Variants in CTTN observed in about 807,000 individuals in gnomAD.
CTTN encodes the protein src substrate cortactin.
CTTN carries 28 observed loss-of-function variants against 84.0 expected under a neutral mutation model. The ratio of observed to expected loss-of-function variants is 0.33; its 90% CI spans 0.25 to 0.46. The LOEUF (loss-of-function observed/expected upper bound fraction) is 0.46. Among genes scored for constraint, CTTN ranks in the 20% least tolerant of loss-of-function variants. The probability of loss-of-function intolerance (pLI) is 1.00; values close to 1 mark genes in which losing one functional copy is unlikely to be tolerated. For synonymous variants in CTTN, 301 were observed against 288.8 expected, an observed-to-expected ratio of 1.04 and a Z score of -0.43; for missense variants, 641 against 723.8, an observed-to-expected ratio of 0.89 and a Z score of 1.31.
At position 70,402,589 on chromosome 11, in the gene CTTN, T is replaced by C. The variant is rs538557148; in HGVS notation, c.-97-2676T>C. Among the ~76,000 whole-genome samples, 29 of 152,354 alleles carry C rather than the reference T, an allele frequency of 1.9e-4. No individual in the cohort carries two copies. In the East Asian group the frequency reaches 5.6e-3, roughly 29 times the overall value. On this transcript the variant is annotated intron_variant, in intron 1 of 17. Coordinates refer to ENST00000301843, the MANE Select transcript of CTTN (RefSeq NM_005231.4). ...TTCCTAGAAATTGAATCGTATAATA[T>C]GTGGTCTTTTGTGCGTGGTTTTCCT...
At chr11:70,402,082 G>A (rs1591427688) in intron 1 of CTTN, among the ~76,000 whole-genome samples, 1 of 152,028 alleles carries the variant, frequency 6.6e-6, no homozygotes, top group Middle Eastern at 3.4e-3. Flanking sequence ...GAACCTGGGA[G>A]ACAGAGGTTG....
intron 8 of CTTN, among the ~76,000 whole-genome samples, chr11:70,418,335 T>C (rs1011702775): frequency 2.6e-5 from 4 of 152,236 alleles, no homozygotes; most frequent in Admixed American, 2.0e-4. Flanking sequence ...CTGGGAACAG[T>C]CCATTCCTCC....
chr11:70,425,784 G>A (rs1372307155), intron 13 of CTTN, among the ~76,000 whole-genome samples: 5 of 152,296 alleles, frequency 3.3e-5, no homozygotes, highest in East Asian at 1.9e-4. Context: ...TCATGACGTC[G>A]ATGTGCAGGC....
rs377587764 is a variant in CTTN at position 70,425,316 on chromosome 11, T to A, written c.958-16T>A. ...GAGAAAAGTGCTCTCCTGACGCCCA[T>A]GTCCTGTCTCTGCAGAATGCGTCAA... On this transcript the variant is annotated splice_polypyrimidine_tract_variant and intron_variant, in intron 12 of 17. Coordinates refer to ENST00000301843, the MANE Select transcript of CTTN (RefSeq NM_005231.4). 1.0e-5 allele frequency: 16 copies of A among 1,607,724 alleles called. No homozygotes were observed. In the South Asian group the frequency reaches 1.1e-4, roughly 11 times the overall value.
chr11:70,433,498 C>T (rs931029428), intron 16 of CTTN, 149 bp from the exon 17 acceptor site: 6 of 743,272 alleles, frequency 8.1e-6, no homozygotes, highest in Admixed American at 6.3e-5. Flanking sequence ...GTGCTGGGGA[C>T]GGGTGGGCAG....
At chr11:70,407,415 T>C (rs375585896) in intron 3 of CTTN, 31 bp downstream of exon 3, 101 of 1,611,922 alleles carry the variant, frequency 6.3e-5, no homozygotes, top group African/African-American at 8.0e-5. Context: ...CTTTCCTCTT[T>C]CATGAAGTGG....
intron 1 of CTTN, among the ~76,000 whole-genome samples, chr11:70,398,861 A>G (rs1480341627): frequency 6.6e-6 from 1 of 150,904 alleles, no homozygotes; most frequent in Non-Finnish European, 1.5e-5. Flanking sequence ...GGCAGGGGGC[A>G]AGGGGGCACG....
chr11:70,430,396 CA>C (rs1270391648), intron 14 of CTTN, among the ~76,000 whole-genome samples: 1 of 152,244 alleles, frequency 6.6e-6, no homozygotes, highest in Non-Finnish European at 1.5e-5. Context: ...CAGAGGTCCT[CA>C]AAGATGTCAG....
intron 13 of CTTN, among the ~76,000 whole-genome samples, chr11:70,427,787 A>G (rs2058315665): frequency 1.3e-5 from 2 of 152,208 alleles, no homozygotes; most frequent in African/African-American, 4.8e-5. Context: ...AAAAAATCAC[A>G]TTTGCTGTCA....
intron 12 of CTTN, among the ~76,000 whole-genome samples, 194 bp downstream of exon 12, chr11:70,423,189 G>C (rs1236176216): frequency 6.6e-6 from 1 of 152,148 alleles, no homozygotes; most frequent in Non-Finnish European, 1.5e-5. Flanking sequence ...ATAGGCGCTG[G>C]CACCGGCCCA....
In CTTN at chr11:70,407,515, C is replaced by G; in HGVS notation, c.88-3C>G. On this transcript the variant is annotated splice_region_variant and splice_polypyrimidine_tract_variant and intron_variant, in intron 3 of 17. Coordinates refer to ENST00000301843, the MANE Select transcript of CTTN (RefSeq NM_005231.4). ...GAGATTTACTGGTCGCTTTTCTTTT[C>G]AGAATGATGTGAGTGAGAAGGAGCA... 3 of 1,579,368 alleles carry G rather than the reference C, an allele frequency of 1.9e-6. No individual in the cohort carries two copies. Among genetic ancestry groups the G allele is most frequent in the Non-Finnish European group, 1.7e-6 (2 of 1,157,998 alleles).
chr11:70,417,726 C>G (rs1379704174), intron 8 of CTTN, among the ~76,000 whole-genome samples: 2 of 152,090 alleles, frequency 1.3e-5, no homozygotes, highest in Admixed American at 1.3e-4. Flanking sequence ...GAATTCCTGA[C>G]CTCAGGTGAT....
intron 13 of CTTN, among the ~76,000 whole-genome samples, chr11:70,425,711 G>T (rs886591060): frequency 3.3e-5 from 5 of 152,190 alleles, no homozygotes; most frequent in Non-Finnish European, 7.3e-5. Flanking sequence ...CAGCTTCTGG[G>T]AGCAGCTGGG....
chr11:70,418,633 G>A (rs1271331181), intron 8 of CTTN, among the ~76,000 whole-genome samples: 1 of 152,184 alleles, frequency 6.6e-6, no homozygotes, highest in Non-Finnish European at 1.5e-5. Context: ...ATCCCCCTGC[G>A]TGCTTCAGTT....
chr11:70,416,527 G>T (rs1395688688), intron 7 of CTTN, among the ~76,000 whole-genome samples: 1 of 152,164 alleles, frequency 6.6e-6, no homozygotes, highest in Admixed American at 6.5e-5. Context: ...CGCCTCCTGG[G>T]TTCAAACGAT....
At chr11:70,412,658 T>C (rs1470141594) in intron 5 of CTTN, among the ~76,000 whole-genome samples, 1 of 152,202 alleles carries the variant, frequency 6.6e-6, no homozygotes, top group Non-Finnish European at 1.5e-5. Context: ...CTGAGCACAC[T>C]GCACCTTTCC....
chr11:70,423,994 A>G (rs1162099394), intron 12 of CTTN, among the ~76,000 whole-genome samples: 6 of 152,092 alleles, frequency 3.9e-5, no homozygotes, highest in Non-Finnish European at 8.8e-5. Flanking sequence ...TTTGGCGCCA[A>G]GGGACGCAGG....
intron 15 of CTTN, 148 bp from the exon 16 acceptor site, chr11:70,432,953 G>T: frequency 2.5e-6 from 2 of 795,130 alleles, no homozygotes; most frequent in Non-Finnish European, 4.0e-6. Flanking sequence ...CGGCAGGCCT[G>T]GCCTTCCTAT....
At position 70,425,430 on chromosome 11, in the gene CTTN, G is replaced by A. The variant is rs375715354; in HGVS notation, c.1027+29G>A. 5.8e-5 allele frequency: 92 copies of A among 1,577,458 alleles called. 1 individual carries two copies. The highest frequency in any genetic ancestry group is 4.6e-4 in the African/African-American group (34 of 74,444). On this transcript the variant is annotated intron_variant, in intron 13 of 17. Coordinates refer to ENST00000301843, the MANE Select transcript of CTTN (RefSeq NM_005231.4). ...AGTCCCGGCTGATACCAGGAGCACCGTGTGGTTTCCCAGGAAAACACTGAG... is the reference window on the plus strand; with the variant it reads ...AGTCCCGGCTGATACCAGGAGCACCATGTGGTTTCCCAGGAAAACACTGAG...
Sources: gnomAD v4.1 joint callset for allele counts (sites outside exome capture counted in the v4.1 genomes callset) on GRCh38, gnomAD v4.1.1 for gene constraint, MANE v1.5 for transcripts, NCBI Gene and HGNC (gene_info 2026-07-23, HGNC 2026-07-21) for gene names.